The following SPTAN1 variants were observed in gnomAD, a reference collection of about 807,000 sequenced individuals.
The protein encoded by SPTAN1 is spectrin alpha, non-erythrocytic 1.
Under a neutral mutation model 331.3 loss-of-function variants are expected in SPTAN1, and 61 were observed. The observed-to-expected ratio is 0.18, with a 90% CI of 0.15 to 0.23. The LOEUF is 0.23. SPTAN1 is among the 10% of genes least tolerant of loss of function. The pLI, the probability that SPTAN1 is intolerant of heterozygous loss-of-function variation, is 1.00. For missense variants in SPTAN1, 2,043 were observed against 3,147.9 expected (o/e 0.65, Z 8.40); for synonymous variants, 1,153 against 1,173.9 (o/e 0.98, Z 0.36).
chr9:128,627,313 A>AG lies in SPTAN1; in HGVS notation c.6577-72dup. 7.2e-7 allele frequency: 1 copy of AG among 1,379,738 alleles called. No homozygotes were observed. The highest frequency in any genetic ancestry group is 1.3e-5 in the South Asian group (1 of 79,210). 85.5% of individuals were successfully genotyped at this position (1,379,738 alleles called of 1,614,324 possible). On this transcript the variant is annotated intron_variant, in intron 49 of 56. Transcript: ENST00000372739. This position sits in a 1 kb window ranked among gnomAD's most constrained non-coding sequence, Gnocchi z 4.9. Reference sequence around the variant, plus strand: ...TTGTGGGGAGGCCACCACCACCCTGAGCCCATCTGTGAAGGAGGGGCTGGT... The same window carrying AG: ...TTGTGGGGAGGCCACCACCACCCTGAGGCCCATCTGTGAAGGAGGGGCTGGT...
chr9:128,574,875 C>T (rs767057757), intron 4 of SPTAN1, 60 bp downstream of exon 4: 269 of 1,610,394 alleles, frequency 1.7e-4, no homozygotes, highest in Non-Finnish European at 2.2e-4. Flanking sequence ...AGAGACTCCT[C>T]TGTGATCTGT....
chr9:128,616,091 T>C (rs1857132629), intron 41 of SPTAN1, among the ~76,000 whole-genome samples: 1 of 152,120 alleles, frequency 6.6e-6, no homozygotes, highest in South Asian at 2.1e-4. Flanking sequence ...CCGTGAAAGT[T>C]AGTGAGTTTG....
chr9:128,603,819 C>T (rs572524876), intron 28 of SPTAN1, among the ~76,000 whole-genome samples: 1 of 152,364 alleles, frequency 6.6e-6, no homozygotes, highest in Admixed American at 6.5e-5. Context: ...AGCAAGCCTT[C>T]CCTCTGATTT....
intron 45 of SPTAN1, 32 bp from the exon 46 acceptor site, chr9:128,624,296 C>G: frequency 6.2e-7 from 1 of 1,613,284 alleles, no homozygotes; most frequent in Non-Finnish European, 8.5e-7. Flanking sequence ...GCAGGTAAGG[C>G]TGACCAGTGT....
intron 27 of SPTAN1, among the ~76,000 whole-genome samples, 154 bp from the exon 28 acceptor site, chr9:128,603,389 A>T (rs1383036632): frequency 6.6e-6 from 1 of 152,164 alleles, no homozygotes; most frequent in East Asian, 1.9e-4. Context: ...CTAGTACTTG[A>T]CACTTGTACT....
chr9:128,632,280 G>T lies in SPTAN1; in HGVS notation c.6916G>T (p.Gly2306Cys). ...AQQWDQLDQL[G>C]MRMQHNLEQQ... Reference sequence around the variant, plus strand: ...GCAGTGGGACCAGCTGGACCAGCTGGGCATGCGCATGCAGCACAACCTGGA... The same window carrying T: ...GCAGTGGGACCAGCTGGACCAGCTGTGCATGCGCATGCAGCACAACCTGGA... The change falls in exon 53 of 57, where the codon GGC (glycine) becomes TGC (cysteine). Residue 2306 changes from glycine to cysteine, a missense_variant. Around this residue, in one of 12 missense-constraint regions of SPTAN1, gnomAD observed 4 missense variants for 48.9 expected, o/e 0.08. Coordinates refer to ENST00000372739, the MANE Select transcript of SPTAN1 (RefSeq NM_001130438.3). The T allele has an allele frequency of 6.2e-7, 1 of 1,613,502 alleles. No homozygotes were observed. The highest frequency in any genetic ancestry group is 8.5e-7 in the Non-Finnish European group (1 of 1,180,008).
chr9:128,558,189 G>A, intron 1 of SPTAN1, among the ~76,000 whole-genome samples: 1 of 152,154 alleles, frequency 6.6e-6, no homozygotes, highest in Non-Finnish European at 1.5e-5. Context: ...ATGCTGACAA[G>A]TTCATTTTAT....
rs1402875849 is a variant in SPTAN1 at position 128,611,785 on chromosome 9, C to T, written c.4845C>T (p.Ile1615=). 7 of 1,614,090 alleles carry T rather than the reference C, an allele frequency of 4.3e-6. No homozygotes were observed. The highest frequency in any genetic ancestry group is 1.6e-4 in the Middle Eastern group (1 of 6,062). Residue 1615 remains isoleucine, a synonymous_variant, in exon 38 of 57, where the codon ATC becomes ATT. Coordinates refer to ENST00000372739, the MANE Select transcript of SPTAN1 (RefSeq NM_001130438.3). The part of the protein sequence containing the change: ...HANADRIRGV[I]DMGNSLIERG... ...ACGCTGACCGGATCCGTGGGGTTAT[C>T]GACATGGGCAACTCCCTCATTGAAC...
intron 51 of SPTAN1, 79 bp from the exon 52 acceptor site, chr9:128,630,240 GCT>G (rs745798837): frequency 4.0e-6 from 6 of 1,489,622 alleles, no homozygotes; most frequent in Admixed American, 1.7e-5. Flanking sequence ...GCCAGGCATT[GCT>G]CTCTCTGAGA....
intron 3 of SPTAN1, among the ~76,000 whole-genome samples, chr9:128,572,069 A>G (rs1470635901): frequency 2.0e-5 from 3 of 152,132 alleles, no homozygotes. Context: ...CATGTTGCCC[A>G]GGCTGGTCTT....
At position 128,625,133 on chromosome 9, in the gene SPTAN1, A is replaced by T; in HGVS notation, c.6023A>T (p.Asp2008Val). ...GEKENSLKTD[D>V]YGRDLSSVQT... ...AAGGAGAACAGCTTGAAGACAGATG[A>T]TTATGGCCGAGACCTGTCTTCTGTG... The change falls in exon 47 of 57, where the codon GAT becomes GTT. Residue 2008 changes from aspartate (D) to valine (V), a missense_variant. Physicochemically the swap from Asp to Val is radical, Grantham distance 152 (BLOSUM62 -3). This residue lies in a region of SPTAN1 where 256 missense variants were observed against 376.4 expected (regional missense o/e 0.68). Transcript: ENST00000372739. The surrounding 1 kb of genome is among the most constrained non-coding windows in gnomAD (Gnocchi z 4.1). 1 of 1,614,180 alleles carries T rather than the reference A, an allele frequency of 6.2e-7. No homozygotes were observed.
At chr9:128,624,137 G>A (rs181782458) in intron 45 of SPTAN1, among the ~76,000 whole-genome samples, 191 bp from the exon 46 acceptor site, 97 of 147,260 alleles carry the variant, frequency 6.6e-4, no homozygotes, top group African/African-American at 2.3e-3. Context: ...AGAATTGTCA[G>A]TACGTGTATT....
At chr9:128,622,821 C>G (rs1309620704) in intron 45 of SPTAN1, among the ~76,000 whole-genome samples, 1 of 151,820 alleles carries the variant, frequency 6.6e-6, no homozygotes, top group South Asian at 2.1e-4. Context: ...GGCGCAATCT[C>G]ACCTCACTGC....
intron 27 of SPTAN1, among the ~76,000 whole-genome samples, chr9:128,600,860 G>A (rs1855030160): frequency 6.6e-6 from 1 of 151,304 alleles, no homozygotes; most frequent in African/African-American, 2.4e-5. Context: ...ACAGGGTTTC[G>A]CCATGTTGGC....
Position 128,562,983 on chromosome 9 carries a change from CATGTATGTGTATATATATATATAT to C in SPTAN1, c.-3-3752_-3-3729del, listed in dbSNP as rs1241626073. On this transcript the variant is annotated intron_variant, in intron 1 of 56. Transcript: ENST00000372739. Reference sequence around the variant, plus strand: ...CCGTCTAAAAAAAAATATATATATACATGTATGTGTATATATATATATATATATATATATATATATATATGTATA... The same window carrying C: ...CCGTCTAAAAAAAAATATATATATACATATATATATATATATATATGTATA... Among the ~76,000 whole-genome samples, 297 of 120,782 alleles carry C rather than the reference CATGTATGTGTATATATATATATAT, an allele frequency of 2.5e-3. 3 individuals carry two copies. The highest frequency in any genetic ancestry group is 9.9e-3 in the African/African-American group (277 of 28,092). The allele number at this position is 120,782 out of a possible 152,430, so 79.2% of individuals were successfully genotyped here.
intron 28 of SPTAN1, 45 bp downstream of exon 28, chr9:128,603,635 CA>C: frequency 6.2e-7 from 1 of 1,605,078 alleles, no homozygotes; most frequent in Non-Finnish European, 8.5e-7. Flanking sequence ...TGGTTTTCTC[CA>C]CTATCTTCCT....
In SPTAN1 at chr9:128,577,378, C is replaced by A; in HGVS notation, c.957C>A (p.Asp319Glu). The A allele has an allele frequency of 6.2e-7, 1 of 1,614,196 alleles. No homozygotes were observed. The highest frequency in any genetic ancestry group is 2.2e-5 in the East Asian group (1 of 44,880). Residue 319 changes from aspartate to glutamate, a missense_variant, in exon 8 of 57, where the codon GAC becomes GAA. Asp to Glu is a conservative substitution (Grantham distance 45, BLOSUM62 2). Around this residue, in one of 12 missense-constraint regions of SPTAN1, gnomAD observed 1,038 missense variants for 1,531.5 expected, o/e 0.68. Transcript: ENST00000372739. The surrounding 1 kb of genome is among the most constrained non-coding windows in gnomAD (Gnocchi z 4.2). ...TCAAAGCCCTGTGTGCTGAGGCTGA[C>A]CGCCTGCAACAGTCCCACCCTCTGA... Reference protein sequence around the residue: ...DKVKALCAEADRLQQSHPLSA... With the variant: ...DKVKALCAEAERLQQSHPLSA...
chr9:128,600,420 A>G (rs1355038146), intron 27 of SPTAN1, among the ~76,000 whole-genome samples: 4 of 152,178 alleles, frequency 2.6e-5, no homozygotes, highest in Non-Finnish European at 5.9e-5. Context: ...TCCAAAGGGA[A>G]ATGATGTGAA....
rs199588924 is a variant in SPTAN1 at position 128,604,345 on chromosome 9, G to A, written c.3647G>A (p.Arg1216Gln). 1.7e-5 allele frequency: 27 copies of A among 1,613,872 alleles called. No individual in the cohort carries two copies. Among genetic ancestry groups the A allele is most frequent in the East Asian group, 2.2e-5 (1 of 44,866 alleles). ...CTGCAGGAGCTGAATGAGCGCTGGC[G>A]GTCCCTACAGCAGCTGGCCGAGGAA... ...NSIKELNERWRSLQQLAEERS... is the reference protein window; with the variant it reads ...NSIKELNERWQSLQQLAEERS... Residue 1216 changes from arginine (R) to glutamine (Q), a missense_variant, in exon 29 of 57, where the codon CGG becomes CAG. Around this residue, in one of 12 missense-constraint regions of SPTAN1, gnomAD observed 1,038 missense variants for 1,531.5 expected, o/e 0.68. Transcript: ENST00000372739.
Sources: allele counts gnomAD v4.1 joint callset (sites outside exome capture counted in the v4.1 genomes callset), GRCh38; gene constraint gnomAD v4.1.1; regional missense constraint gnomAD v4.1.1; non-coding constraint Gnocchi (gnomAD v3.1); transcripts MANE v1.5; gene names NCBI Gene and HGNC (gene_info 2026-07-23, HGNC 2026-07-21).